SLC7A5: variants seen among roughly 807,000 people sequenced by gnomAD.
SLC7A5 encodes the protein solute carrier family 7 member 5.
Under a neutral mutation model 50.2 loss-of-function variants are expected in SLC7A5, and 23 were observed. That is an observed-to-expected ratio of 0.46 (90% CI 0.33 to 0.65). The LOEUF is 0.65. Ranked by LOEUF, SLC7A5 falls within the 30% of genes least tolerant of loss-of-function variation. SLC7A5 has a pLI of 0.02. For missense variants in SLC7A5, 578 were observed against 684.4 expected (o/e 0.84, Z 1.73); for synonymous variants, 393 against 330.6 (o/e 1.19, Z -2.05).
At chr16:87,867,760 G>T (rs1033679182) in intron 1 of SLC7A5, among the ~76,000 whole-genome samples, 1 of 151,986 alleles carries the variant, frequency 6.6e-6, no homozygotes, top group Non-Finnish European at 1.5e-5. Flanking sequence ...ACCTTCCCAC[G>T]CCACCCAACC....
intron 2 of SLC7A5, among the ~76,000 whole-genome samples, chr16:87,849,015 A>G (rs568802633): frequency 4.8e-4 from 73 of 152,332 alleles, no homozygotes; most frequent in African/African-American, 1.6e-3. Context: ...TTCAGCCCCA[A>G]TGGAGCAGGG....
At chr16:87,854,409 T>C (rs1367032605) in intron 1 of SLC7A5, among the ~76,000 whole-genome samples, 2 of 152,226 alleles carry the variant, frequency 1.3e-5, no homozygotes, top group Non-Finnish European at 2.9e-5. Context: ...GATAAAATCT[T>C]AAACAAATAC....
rs561640459 is a variant in SLC7A5, at chr16:87,862,732, G to C, written c.538+6153C>G. On this transcript the variant is annotated intron_variant, in intron 1 of 9. Coordinates refer to ENST00000261622, the MANE Select transcript of SLC7A5 (RefSeq NM_003486.7). The surrounding 1 kb of genome is among the most constrained non-coding windows in gnomAD (Gnocchi z 5.3). ...GGCCTGGGATTCCCAGACACCTGGC[G>C]CTGGGGCCAATCCCATTCCACAGTC... Among the ~76,000 whole-genome samples, 1 of 152,274 alleles carries C rather than the reference G, an allele frequency of 6.6e-6. No individual in the cohort carries two copies. The highest frequency in any genetic ancestry group is 2.4e-5 in the African/African-American group (1 of 41,478).
At chr16:87,858,947 G>A (rs1428924166) in intron 1 of SLC7A5, among the ~76,000 whole-genome samples, 1 of 152,240 alleles carries the variant, frequency 6.6e-6, no homozygotes, top group African/African-American at 2.4e-5. Context: ...GTGACGGGGA[G>A]CCCTTAGCTC....
In SLC7A5 at chr16:87,860,655, CAG is replaced by C. The variant is rs927260568; in HGVS notation, c.538+8228_538+8229del. On this transcript the variant is annotated intron_variant, in intron 1 of 9. Transcript: ENST00000261622. The surrounding 1 kb of genome is among the most constrained non-coding windows in gnomAD (Gnocchi z 4.8). ...CGGATAAATCTCTTCAAACATTTTA[CAG>C]AGTCTGGCTTTCTCGTTAACAAGCA... 1.1e-4 allele frequency among the ~76,000 whole-genome samples: 16 copies of C among 152,320 alleles called. No homozygotes were observed. Among genetic ancestry groups the C allele is most frequent in the African/African-American group, 3.6e-4 (15 of 41,570 alleles).
At chr16:87,838,276 T>G (rs1567488930) in intron 6 of SLC7A5, among the ~76,000 whole-genome samples, 1 of 147,814 alleles carries the variant, frequency 6.8e-6, no homozygotes, top group Non-Finnish European at 1.5e-5. Context: ...CTGTATTATT[T>G]GGGCTTGCTG....
chr16:87,844,600 C>T (rs766145539), intron 2 of SLC7A5, among the ~76,000 whole-genome samples: 30 of 152,354 alleles, frequency 2.0e-4, no homozygotes, highest in Non-Finnish European at 3.4e-4. Flanking sequence ...ACTCAGAGGA[C>T]GATGTCTCCC....
intron 1 of SLC7A5, among the ~76,000 whole-genome samples, chr16:87,868,115 C>CAAAAAAAAAA (rs11372656): frequency 1.2e-5 from 1 of 80,366 alleles, no homozygotes. Context: ...GACTCAGTGT[C>CAAAAAAAAAA]AAAAAAAAAA....
rs2055083147 is a variant in SLC7A5, at chr16:87,841,544, T to C, written c.665-389A>G. ...AGTATAAAGCCAGGAGACCTCGGTT[T>C]GCATCCTGGCTACGGCAACAAGGAA... On this transcript the variant is annotated intron_variant, in intron 2 of 9. Transcript: ENST00000261622. This position sits in a 1 kb window ranked among gnomAD's most constrained non-coding sequence, Gnocchi z 4.8. Among the ~76,000 whole-genome samples, 1 of 152,200 alleles carries C rather than the reference T, an allele frequency of 6.6e-6. No homozygotes were observed. The highest frequency in any genetic ancestry group is 2.4e-5 in the African/African-American group (1 of 41,450).
At chr16:87,846,609 A>G (rs76935714) in intron 2 of SLC7A5, among the ~76,000 whole-genome samples, 5,043 of 152,258 alleles carry the variant, frequency 0.033, 271 homozygotes, top group African/African-American at 0.11. Context: ...CTCTCCCACA[A>G]GGAAACACAG....
At position 87,861,107 on chromosome 16, in the gene SLC7A5, T is replaced by C. The variant is rs1348222558; in HGVS notation, c.538+7778A>G. Among the ~76,000 whole-genome samples the C allele has an allele frequency of 6.6e-6, 1 of 152,190 alleles. No homozygotes were observed. ...TGCGGGCACACAGTACCAATCTGCA[T>C]GCATACACGTGTCCTGTCCCTGCAG... On this transcript the variant is annotated intron_variant, in intron 1 of 9. Transcript: ENST00000261622. This position sits in a 1 kb window ranked among gnomAD's most constrained non-coding sequence, Gnocchi z 4.2.
chr16:87,864,384 G>A (rs2055436845), intron 1 of SLC7A5, among the ~76,000 whole-genome samples: 1 of 152,032 alleles, frequency 6.6e-6, no homozygotes, highest in Admixed American at 6.6e-5. Flanking sequence ...CAGATCAAAC[G>A]CCCGGCCTCT....
rs33992288 is a variant in SLC7A5, at chr16:87,839,798, G to A, written c.843C>T (p.Ser281=). The change falls in exon 5 of 10, where the codon TCC becomes TCT. Residue 281 remains serine, a synonymous_variant. Coordinates refer to ENST00000261622, the MANE Select transcript of SLC7A5 (RefSeq NM_003486.7). The part of the protein sequence containing the change: ...YRNLPLAIII[S]LPIVTLVYVL... ...CGTACACCAGCGTCACGATGGGCAG[G>A]GAGATGATGATGGCCAGGGGCAGGT... is the stretch of plus-strand genomic sequence containing the variant. 154 of 1,613,956 alleles carry A rather than the reference G, an allele frequency of 9.5e-5. No homozygotes were observed. In the African/African-American group the frequency reaches 1.9e-3, roughly 20 times the overall value.
At chr16:87,836,802 G>A (rs530354789) in intron 7 of SLC7A5, 155 bp from the exon 8 acceptor site, 1 of 689,934 alleles carries the variant, frequency 1.4e-6, no homozygotes, top group Non-Finnish European at 2.6e-6. Context: ...CAACATGCAA[G>A]GTCTTGAAGG....
At chr16:87,838,876 C>T in intron 5 of SLC7A5, 59 bp from the exon 6 acceptor site, 1 of 1,278,842 alleles carries the variant, frequency 7.8e-7, no homozygotes, top group Non-Finnish European at 1.1e-6. Flanking sequence ...CCTCCCTGTG[C>T]TCACTGGGAG....
In SLC7A5 at chr16:87,869,012, C is replaced by T. The variant is rs756913549; in HGVS notation, c.411G>A (p.Leu137=). The T allele has an allele frequency of 5.3e-5, 85 of 1,611,612 alleles. No homozygotes were observed. The highest frequency in any genetic ancestry group is 8.5e-7 in the Non-Finnish European group (1 of 1,179,796). ...ACTGCGATGAAGGCCGGATGATGAGCAGCTCGATCCAGAGCTTGAGGAAGG... is the reference window on the plus strand; with the variant it reads ...ACTGCGATGAAGGCCGGATGATGAGTAGCTCGATCCAGAGCTTGAGGAAGG... The part of the protein sequence containing the change: ...LPAFLKLWIE[L]LIIRPSSQYI... Residue 137 remains leucine (L), a synonymous_variant, in exon 1 of 10, where the codon CTG becomes CTA. Transcript: ENST00000261622.
chr16:87,854,064 A>ACCC (rs1466941041), intron 1 of SLC7A5: 103 of 46,934 alleles, frequency 2.2e-3, no homozygotes, highest in South Asian at 7.4e-3. Context: ...AGAGGCCAGG[A>ACCC]CCCCCCCGCC....
rs1395953845 is a variant in SLC7A5 at position 87,869,323 on chromosome 16, C to G, written c.100G>C (p.Gly34Arg). The G allele has an allele frequency of 1.9e-5, 30 of 1,610,392 alleles. No homozygotes were observed. The highest frequency in any genetic ancestry group is 2.5e-5 in the Non-Finnish European group (29 of 1,179,368). ...TCGCCCTCGCCTGCCGGCGCCGAGC[C>G]GTCCGCGCTCTTGGCGGCCAGCATC... is the stretch of plus-strand genomic sequence containing the variant. ...EKMLAAKSAD[G>R]SAPAGEGEGV... is the part of the protein sequence containing the mutation. Residue 34 changes from glycine to arginine, a missense_variant, in exon 1 of 10, where the codon GGC (glycine) becomes CGC (arginine). Coordinates refer to ENST00000261622, the MANE Select transcript of SLC7A5 (RefSeq NM_003486.7).
intron 6 of SLC7A5, 116 bp downstream of exon 6, chr16:87,838,598 G>C (rs1280645027): frequency 2.4e-6 from 2 of 835,738 alleles, no homozygotes; most frequent in Non-Finnish European, 4.1e-6. Context: ...TGGCCTATTT[G>C]AGCAATTATG....
Sources: allele counts gnomAD v4.1 joint callset (sites outside exome capture counted in the v4.1 genomes callset), GRCh38; gene constraint gnomAD v4.1.1; non-coding constraint Gnocchi (gnomAD v3.1); transcripts MANE v1.5; gene names NCBI Gene and HGNC (gene_info 2026-07-23, HGNC 2026-07-21).